The following C3orf49 variants were observed in gnomAD, a reference collection of about 807,000 sequenced individuals.
The protein encoded by C3orf49 is chromosome 3 open reading frame 49, also known as putative uncharacterized protein C3orf49.
In C3orf49, 27 loss-of-function variants were observed where a neutral mutation model predicts 13.3. The ratio of observed to expected loss-of-function variants is 2.02; its 90% CI spans 1.49 to 2.79. C3orf49 has a LOEUF of 2.79. Ranked by LOEUF, C3orf49 falls within the 30% of genes most tolerant of loss-of-function variation. C3orf49 has a pLI of 0.00. For missense variants in C3orf49, 242 were observed against 134.2 expected, an observed-to-expected ratio of 1.80 and a Z score of -3.97; for synonymous variants, 87 against 47.6, an observed-to-expected ratio of 1.83 and a Z score of -3.40.
Position 63,839,564 on chromosome 3 carries a change from G to A in C3orf49, c.850-5459G>A, listed in dbSNP as rs868611333. On this transcript the variant is annotated intron_variant, in intron 5 of 6. Coordinates refer to ENST00000295896, the MANE Select transcript of C3orf49 (RefSeq NM_001355236.2). ...GTTGACTCCACTGTACATTTAAGGT[G>A]AGTGAAAATTTGATCTACTCACAGG... 6.8e-6 allele frequency: 7 copies of A among 1,035,206 alleles called. No individual in the cohort carries two copies. The African/African-American group carries it at 8.0e-5, about 12-fold the overall frequency. The allele number at this position is 1,035,206 out of a possible 1,614,324, so 64.1% of individuals were successfully genotyped here.
chr3:63,804,344 C>T, the C3orf49 span, among the ~76,000 whole-genome samples: 77 of 152,282 alleles, frequency 5.1e-4, no homozygotes, highest in African/African-American at 1.7e-3. Flanking sequence ...GTAAACAAAG[C>T]TTCCTAACAT....
chr3:63,809,017 A>G, the C3orf49 span, among the ~76,000 whole-genome samples: 1 of 151,992 alleles, frequency 6.6e-6, no homozygotes, highest in Non-Finnish European at 1.5e-5. Context: ...CCAAAACCTC[A>G]TGAATCTATT....
chr3:63,829,908 G>A (rs1270749641), intron 3 of C3orf49, among the ~76,000 whole-genome samples: 2 of 152,162 alleles, frequency 1.3e-5, no homozygotes, highest in Non-Finnish European at 2.9e-5. Flanking sequence ...CAAGGCTTTA[G>A]TGAGCCATGA....
At position 63,819,412 on chromosome 3, in the gene C3orf49, G is replaced by A; in HGVS notation, c.-60G>A. 1 of 689,126 alleles carries A rather than the reference G, an allele frequency of 1.5e-6. No individual in the cohort carries two copies. The highest frequency in any genetic ancestry group is 2.6e-6 in the Non-Finnish European group (1 of 378,216). 42.7% of individuals were successfully genotyped at this position (689,126 alleles called of 1,614,324 possible). A position where few individuals can be genotyped will look rare whatever the true frequency, so the allele number is the denominator to read the frequency against. On this transcript the variant is annotated 5_prime_UTR_variant, in exon 1 of 7. Coordinates refer to ENST00000295896, the MANE Select transcript of C3orf49 (RefSeq NM_001355236.2). ...AGTCACTGGATGATTTTGTATTGAAGTCTGTAAGTTCAAGAACTAAAACAA... is the reference window on the plus strand; with the variant it reads ...AGTCACTGGATGATTTTGTATTGAAATCTGTAAGTTCAAGAACTAAAACAA...
the C3orf49 span, among the ~76,000 whole-genome samples, chr3:63,810,003 GC>G: frequency 1.3e-5 from 2 of 148,174 alleles, no homozygotes; most frequent in Non-Finnish European, 2.9e-5. Flanking sequence ...CAAAAAATTA[GC>G]CGGGGCATGG....
upstream of C3orf49, among the ~76,000 whole-genome samples, chr3:63,815,885 C>T (rs72888208): frequency 0.083 from 12,574 of 150,964 alleles, 1,221 homozygotes; most frequent in African/African-American, 0.23. Flanking sequence ...GGCGTGAAGC[C>T]GGGAGGTTCT....
the C3orf49 span, among the ~76,000 whole-genome samples, chr3:63,794,586 A>C: frequency 2.0e-5 from 3 of 151,846 alleles, no homozygotes; most frequent in Non-Finnish European, 4.4e-5. Flanking sequence ...AAACTTCTCC[A>C]ATTAGACTTT....
At chr3:63,846,539 C>G (rs558079785) in intron 6 of C3orf49, among the ~76,000 whole-genome samples, 1 of 152,244 alleles carries the variant, frequency 6.6e-6, no homozygotes, top group Non-Finnish European at 1.5e-5. Flanking sequence ...TCCCAAGTAG[C>G]TGGGATTACA....
chr3:63,784,119 A>C, the C3orf49 span, among the ~76,000 whole-genome samples: 1 of 152,222 alleles, frequency 6.6e-6, no homozygotes, highest in Non-Finnish European at 1.5e-5. Flanking sequence ...CCCATTGCAA[A>C]GCTTTAGCCA....
intron 5 of C3orf49, among the ~76,000 whole-genome samples, chr3:63,844,765 C>A (rs892245976): frequency 6.6e-6 from 1 of 152,148 alleles, no homozygotes. Flanking sequence ...AAGACCCTCA[C>A]CAGATTTGGC....
chr3:63,792,804 T>C, the C3orf49 span, among the ~76,000 whole-genome samples: 1 of 152,230 alleles, frequency 6.6e-6, no homozygotes, highest in Non-Finnish European at 1.5e-5. Flanking sequence ...AGTTAGTTTT[T>C]CTACTAGGTG....
intron 2 of C3orf49, among the ~76,000 whole-genome samples, chr3:63,824,144 T>C (rs1701436884): frequency 6.6e-6 from 1 of 152,098 alleles, no homozygotes; most frequent in South Asian, 2.1e-4. Context: ...TCCTTCCAGT[T>C]CAATTAAACA....
the C3orf49 span, among the ~76,000 whole-genome samples, chr3:63,788,902 T>C: frequency 6.6e-6 from 1 of 152,178 alleles, no homozygotes; most frequent in African/African-American, 2.4e-5. Flanking sequence ...AGTAACATTT[T>C]CTTGAGGGGT....
chr3:63,831,033 A>G, intron 3 of C3orf49, 77 bp from the exon 4 acceptor site: 1 of 660,982 alleles, frequency 1.5e-6, no homozygotes, highest in Middle Eastern at 2.5e-4. Flanking sequence ...CCTAAGGGTG[A>G]GAACTCTTGT....
At chr3:63,814,691 G>C (rs772344260), upstream of C3orf49, among the ~76,000 whole-genome samples, 3 of 152,058 alleles carry the variant, frequency 2.0e-5, no homozygotes, top group Admixed American at 1.3e-4. Context: ...TTGATAAAGA[G>C]AGTTGACTGA....
chr3:63,846,127 C>G (rs531769076), intron 6 of C3orf49: 3 of 406,556 alleles, frequency 7.4e-6, no homozygotes, highest in African/African-American at 2.1e-5. Context: ...ACTGATGTAA[C>G]TCCTACTGCC....
intron 2 of C3orf49, among the ~76,000 whole-genome samples, chr3:63,826,229 T>C (rs1701463406): frequency 6.6e-6 from 1 of 152,166 alleles, no homozygotes; most frequent in African/African-American, 2.4e-5. Flanking sequence ...ATAATCTGAT[T>C]TGCATTCTTA....
the C3orf49 span, among the ~76,000 whole-genome samples, chr3:63,808,801 C>T: frequency 6.6e-6 from 1 of 152,168 alleles, no homozygotes; most frequent in Non-Finnish European, 1.5e-5. Context: ...CAGGTACACT[C>T]AGCCCAGGAG....
At chr3:63,815,356 C>G (rs1465718834), upstream of C3orf49, among the ~76,000 whole-genome samples, 3 of 152,182 alleles carry the variant, frequency 2.0e-5, no homozygotes, top group African/African-American at 7.2e-5. Flanking sequence ...TCTGGTACTC[C>G]TCACCCCCAT....
Sources: gnomAD v4.1 joint callset for allele counts (sites outside exome capture counted in the v4.1 genomes callset) on GRCh38, gnomAD v4.1.1 for gene constraint, MANE v1.5 for transcripts, NCBI Gene and HGNC (gene_info 2026-07-23, HGNC 2026-07-21) for gene names.